Variants in SPRED2 observed in about 807,000 individuals in gnomAD.
SPRED2 encodes the protein sprouty-related, EVH1 domain-containing protein 2.
In SPRED2, 47 loss-of-function variants were observed where a neutral mutation model predicts 43.0. The observed-to-expected ratio is 1.09, with a 90% confidence interval of 0.87 to 1.40. SPRED2 has a LOEUF of 1.40. Among genes scored for constraint, SPRED2 ranks in the 40% most tolerant of loss-of-function variants. SPRED2 has a pLI of 0.00. For synonymous variants in SPRED2, 225 were observed against 225.7 expected (o/e 1.00, Z 0.03); for missense variants, 561 against 586.4 (o/e 0.96, Z 0.45).
chr2:65,395,056 C>G (rs1041720672), intron 1 of SPRED2, among the ~76,000 whole-genome samples: 11 of 152,118 alleles, frequency 7.2e-5, no homozygotes, highest in Non-Finnish European at 1.2e-4. Context: ...GGGTGTACCT[C>G]TCCATCACCC....
At chr2:65,368,323 C>G (rs1160314826) in intron 1 of SPRED2, among the ~76,000 whole-genome samples, 1 of 152,224 alleles carries the variant, frequency 6.6e-6, no homozygotes, top group Non-Finnish European at 1.5e-5. Flanking sequence ...TGGGCCTCAA[C>G]TGAAGACTTC....
At chr2:65,321,139 G>A (rs1303330925) in intron 4 of SPRED2, among the ~76,000 whole-genome samples, 5 of 152,086 alleles carry the variant, frequency 3.3e-5, no homozygotes, top group Non-Finnish European at 7.4e-5. Context: ...CTCTGTGCTC[G>A]GGGACTTCAG....
intron 3 of SPRED2, 43 bp downstream of exon 3, chr2:65,334,561 AC>A (rs767866063): frequency 6.9e-6 from 11 of 1,591,988 alleles, no homozygotes; most frequent in Admixed American, 1.8e-5. Flanking sequence ...ATAATTTGGA[AC>A]ATTTCCATAG....
Position 65,313,981 on chromosome 2 carries a change from G to A in SPRED2, c.777C>T (p.Val259=). 1 of 1,613,202 alleles carries A rather than the reference G, an allele frequency of 6.2e-7. No individual in the cohort carries two copies. The highest frequency in any genetic ancestry group is 8.5e-7 in the Non-Finnish European group (1 of 1,180,022). Residue 259 remains valine, a synonymous_variant, in exon 6 of 6, where the codon GTC becomes GTT. Coordinates refer to ENST00000356388, the MANE Select transcript of SPRED2 (RefSeq NM_181784.3). ...AGGGGTAGTTGTAGTCATGCTTGGGGACCTCGCCCTTGGCGAAGCGCACGT... is the reference window on the plus strand; with the variant it reads ...AGGGGTAGTTGTAGTCATGCTTGGGAACCTCGCCCTTGGCGAAGCGCACGT... ...SSYVRFAKGE[V]PKHDYNYPYV...
Position 65,332,061 on chromosome 2 carries a change from C to T in SPRED2, c.374-10G>A, listed in dbSNP as rs145903802. 289 of 1,589,608 alleles carry T rather than the reference C, an allele frequency of 1.8e-4. No individual in the cohort carries two copies. The highest frequency in any genetic ancestry group is 1.5e-3 in the Middle Eastern group (9 of 5,906). ...GATGACGTTGTTGAACCTAAAAAGA[C>T]AAAAATGTAATAAAAAGTGTTTCCC... is the stretch of plus-strand genomic sequence containing the variant. On this transcript the variant is annotated splice_polypyrimidine_tract_variant and intron_variant, in intron 3 of 5. Transcript: ENST00000356388.
chr2:65,317,987 C>T (rs1673295280), intron 4 of SPRED2, among the ~76,000 whole-genome samples: 2 of 152,146 alleles, frequency 1.3e-5, no homozygotes, highest in Non-Finnish European at 2.9e-5. Context: ...ACCCAGTATG[C>T]CACCTGATAT....
intron 1 of SPRED2, among the ~76,000 whole-genome samples, chr2:65,376,273 G>C (rs938111279): frequency 6.6e-6 from 1 of 152,220 alleles, no homozygotes; most frequent in Non-Finnish European, 1.5e-5. Context: ...ATCTGTTGCT[G>C]AGGAAAGCAT....
At chr2:65,392,095 G>T (rs1265112712) in intron 1 of SPRED2, among the ~76,000 whole-genome samples, 1 of 143,268 alleles carries the variant, frequency 7.0e-6, no homozygotes, top group East Asian at 2.1e-4. Flanking sequence ...TTACATATTT[G>T]TTAAATTTGT....
At chr2:65,352,511 C>T (rs1674540573) in intron 1 of SPRED2, among the ~76,000 whole-genome samples, 1 of 152,272 alleles carries the variant, frequency 6.6e-6, no homozygotes, top group Admixed American at 6.5e-5. Context: ...GAGGAGAAAA[C>T]AGGCTCTTCC....
At position 65,339,285 on chromosome 2, in the gene SPRED2, G is replaced by T. The variant is rs570637951; in HGVS notation, c.205-4512C>A. Among the ~76,000 whole-genome samples the T allele has an allele frequency of 5.9e-5, 9 of 152,118 alleles. No individual in the cohort carries two copies. The South Asian group carries it at 1.2e-3, about 21-fold the overall frequency. On this transcript the variant is annotated intron_variant, in intron 2 of 5. Coordinates refer to ENST00000356388, the MANE Select transcript of SPRED2 (RefSeq NM_181784.3). ...GATGGCGGTTTTCTGGAATGGAAGG[G>T]GGGGCAGGGTGGGGAAAGGATTGAG...
chr2:65,407,187 A>G (rs565150848), intron 1 of SPRED2, among the ~76,000 whole-genome samples: 2 of 150,332 alleles, frequency 1.3e-5, no homozygotes, highest in African/African-American at 4.9e-5. Flanking sequence ...TTGGCCTCCC[A>G]AAGTGCTGGA....
intron 1 of SPRED2, among the ~76,000 whole-genome samples, chr2:65,410,513 A>G (rs1377581704): frequency 6.6e-6 from 1 of 151,982 alleles, no homozygotes; most frequent in Non-Finnish European, 1.5e-5. Flanking sequence ...TAATCCCAGC[A>G]CTTTGGGAGG....
At chr2:65,364,187 T>C (rs748251162) in intron 1 of SPRED2, among the ~76,000 whole-genome samples, 9 of 152,208 alleles carry the variant, frequency 5.9e-5, no homozygotes, top group Admixed American at 1.3e-4. Flanking sequence ...TGGCTCTGGA[T>C]TGTAGACTCC....
intron 1 of SPRED2, among the ~76,000 whole-genome samples, chr2:65,410,956 T>C (rs897485859): frequency 2.6e-5 from 4 of 152,194 alleles, no homozygotes; most frequent in Non-Finnish European, 4.4e-5. Flanking sequence ...ACAGGGGTCA[T>C]GGTCTGCACA....
rs1673054017 is a variant in SPRED2, at chr2:65,311,017, A to G, written c.*2484T>C. The G allele has an allele frequency of 2.0e-6, 2 of 984,778 alleles. No homozygotes were observed. Among genetic ancestry groups the G allele is most frequent in the Non-Finnish European group, 2.4e-6 (2 of 828,936 alleles). 61.0% of individuals were successfully genotyped at this position (984,778 alleles called of 1,614,324 possible). On this transcript the variant is annotated 3_prime_UTR_variant, in exon 6 of 6. Coordinates refer to ENST00000356388, the MANE Select transcript of SPRED2 (RefSeq NM_181784.3). ...AAAGGCTTATTATAAAAAAATCAAT[A>G]CAACAGGGTTTTTAGTATACAGGTA... is the stretch of plus-strand genomic sequence containing the variant.
At chr2:65,391,713 A>AT (rs1001512087) in intron 1 of SPRED2, among the ~76,000 whole-genome samples, 17 of 151,846 alleles carry the variant, frequency 1.1e-4, no homozygotes, top group South Asian at 4.2e-4. Context: ...AAGAGGATGA[A>AT]TTTTTTTTTA....
intron 1 of SPRED2, among the ~76,000 whole-genome samples, chr2:65,391,536 G>A (rs963623480): frequency 6.6e-6 from 1 of 152,142 alleles, no homozygotes; most frequent in African/African-American, 2.4e-5. Context: ...TTCCTTAAAA[G>A]TACTATTTTC....
chr2:65,367,839 T>C (rs528870567), intron 1 of SPRED2, among the ~76,000 whole-genome samples: 102 of 152,328 alleles, frequency 6.7e-4, no homozygotes, highest in African/African-American at 2.3e-3. Flanking sequence ...GTCACATCCA[T>C]AGTCTCTTAA....
intron 1 of SPRED2, among the ~76,000 whole-genome samples, chr2:65,366,295 T>C (rs1674973060): frequency 9.5e-6 from 1 of 105,098 alleles, no homozygotes; most frequent in Non-Finnish European, 1.9e-5. Flanking sequence ...ATTCAGGACT[T>C]AATAATAAAA....
Sources: gnomAD v4.1 joint callset for allele counts (sites outside exome capture counted in the v4.1 genomes callset) on GRCh38, gnomAD v4.1.1 for gene constraint, MANE v1.5 for transcripts, NCBI Gene and HGNC (gene_info 2026-07-23, HGNC 2026-07-21) for gene names.